The following VASH1 variants were observed in gnomAD, a reference collection of about 807,000 sequenced individuals.
VASH1 encodes vasohibin 1.
Under a neutral mutation model 35.0 loss-of-function variants are expected in VASH1, and 16 were observed. The observed-to-expected ratio is 0.46, with a 90% confidence interval of 0.31 to 0.70. The LOEUF is 0.70. Ranked by LOEUF, VASH1 falls within the 30% of genes least tolerant of loss-of-function variation. The pLI is 0.05. For synonymous variants in VASH1, 214 were observed against 200.9 expected (o/e 1.07, Z -0.55); for missense variants, 505 against 510.7 (o/e 0.99, Z 0.11).
At chr14:76,769,034 G>A (rs1164939220) in intron 1 of VASH1, among the ~76,000 whole-genome samples, 1 of 152,210 alleles carries the variant, frequency 6.6e-6, no homozygotes, top group Non-Finnish European at 1.5e-5. Context: ...TGACTTGTTG[G>A]CAGCCAAACT....
At chr14:76,763,239 G>C (rs919187262) in intron 1 of VASH1, 109 bp downstream of exon 1, 2 of 1,158,050 alleles carry the variant, frequency 1.7e-6, no homozygotes, top group Non-Finnish European at 2.2e-6. Flanking sequence ...CACTGGCTCG[G>C]TAAGATCTTT....
Position 76,779,177 on chromosome 14 carries a change from C to A in VASH1, c.*159C>A. 1 of 800,520 alleles carries A rather than the reference C, an allele frequency of 1.2e-6. No individual in the cohort carries two copies. Among genetic ancestry groups the A allele is most frequent in the Non-Finnish European group, 2.1e-6 (1 of 479,552 alleles). The allele number at this position is 800,520 out of a possible 1,614,324, so 49.6% of individuals were successfully genotyped here. On this transcript the variant is annotated 3_prime_UTR_variant, in exon 7 of 7. Coordinates refer to ENST00000167106, the MANE Select transcript of VASH1 (RefSeq NM_014909.5). ...CTCAGCCCCCCAAGCTGCTCTCGCT[C>A]CCACTGAGCCAAGCCCCCTAACTTT...
At position 76,778,025 on chromosome 14, in the gene VASH1, C is replaced by T. The variant is rs775467779; in HGVS notation, c.979C>T (p.Arg327Trp). Residue 327 changes from arginine (R) to tryptophan (W), a missense_variant, in exon 6 of 7, where the codon CGG becomes TGG. Coordinates refer to ENST00000167106, the MANE Select transcript of VASH1 (RefSeq NM_014909.5). ...DRKKDVSSPQ[R>W]AQSSPHRRNS... is the part of the protein sequence containing the mutation. ...GAAGAAGGATGTTTCTTCCCCGCAG[C>T]GGGCCCAGTCCAGCCCCCACCGCAG... is the stretch of plus-strand genomic sequence containing the variant. 23 of 1,541,068 alleles carry T rather than the reference C, an allele frequency of 1.5e-5. No homozygotes were observed. Among genetic ancestry groups the T allele is most frequent in the South Asian group, 1.2e-4 (10 of 81,486 alleles).
Position 76,779,413 on chromosome 14 carries a change from A to G in VASH1, c.*395A>G, listed in dbSNP as rs1348200061. The G allele has an allele frequency of 1.5e-6, 1 of 660,158 alleles. No homozygotes were observed. The highest frequency in any genetic ancestry group is 2.8e-6 in the Non-Finnish European group (1 of 359,986). The allele number at this position is 660,158 out of a possible 1,614,324, so 40.9% of individuals were successfully genotyped here. A position where few individuals can be genotyped will look rare whatever the true frequency, so the allele number is the denominator to read the frequency against. On this transcript the variant is annotated 3_prime_UTR_variant, in exon 7 of 7. Transcript: ENST00000167106. The stretch of plus-strand genomic sequence containing the variant: ...TCTCTCTGGGAGTTGGGTGCATCTT[A>G]TCAGTGGGAAATCTCCCAGCCTTAC...
Position 76,778,010 on chromosome 14 carries a change from G to A in VASH1, c.964G>A (p.Val322Ile), listed in dbSNP as rs1014934021. ...TCCCACCAAGGACCGGAAGAAGGATGTTTCTTCCCCGCAGCGGGCCCAGTC... is the reference window on the plus strand; with the variant it reads ...TCCCACCAAGGACCGGAAGAAGGATATTTCTTCCCCGCAGCGGGCCCAGTC... ...PSPTKDRKKD[V>I]SSPQRAQSSP... Residue 322 changes from valine (V) to isoleucine (I), a missense_variant, in exon 6 of 7, where the codon GTT becomes ATT. Coordinates refer to ENST00000167106, the MANE Select transcript of VASH1 (RefSeq NM_014909.5). 16 of 1,547,684 alleles carry A rather than the reference G, an allele frequency of 1.0e-5. No homozygotes were observed. Among genetic ancestry groups the A allele is most frequent in the South Asian group, 4.9e-5 (4 of 81,988 alleles).
intron 3 of VASH1, 122 bp from the exon 4 acceptor site, chr14:76,773,015 A>G: frequency 1.1e-6 from 1 of 877,846 alleles, no homozygotes. Flanking sequence ...CTGAGCTGAG[A>G]GCAGCTTAGG....
chr14:76,780,229 T>G lies in VASH1; in HGVS notation c.*1211T>G, dbSNP rs1894066360. The G allele has an allele frequency of 6.5e-6, 1 of 152,700 alleles. No homozygotes were observed. Among genetic ancestry groups the G allele is most frequent in the Non-Finnish European group, 1.5e-5 (1 of 68,734 alleles). 9.5% of individuals were successfully genotyped at this position (152,700 alleles called of 1,614,324 possible). ...GGCTCAAGCAACAAGGAGGTGCAGG[T>G]AAAGGGTGCAGTGCAGCCACTGAGG... On this transcript the variant is annotated 3_prime_UTR_variant, in exon 7 of 7. Coordinates refer to ENST00000167106, the MANE Select transcript of VASH1 (RefSeq NM_014909.5).
intron 1 of VASH1, among the ~76,000 whole-genome samples, chr14:76,767,568 C>A (rs1385405798): frequency 1.3e-5 from 2 of 152,174 alleles, no homozygotes; most frequent in Non-Finnish European, 2.9e-5. Flanking sequence ...ACCACTCCCC[C>A]TTACCGTGCC....
intron 2 of VASH1, 115 bp downstream of exon 2, chr14:76,770,166 A>ATT (rs1893753072): frequency 1.1e-6 from 1 of 951,462 alleles, no homozygotes. Context: ...CGCCAGGGCC[A>ATT]CCATTCACGT....
At position 76,778,971 on chromosome 14, in the gene VASH1, G is replaced by A. The variant is rs762887343; in HGVS notation, c.1051G>A (p.Glu351Lys). 15 of 1,614,048 alleles carry A rather than the reference G, an allele frequency of 9.3e-6. No individual in the cohort carries two copies. Among genetic ancestry groups the A allele is most frequent in the South Asian group, 6.6e-5 (6 of 91,084 alleles). ...GCCCTCGGGTGACAAGAAGACTTCC[G>A]AGCCCAAAGCCATGCCAGACCTTAA... ...RRPSGDKKTSEPKAMPDLNGY... is the reference protein window; with the variant it reads ...RRPSGDKKTSKPKAMPDLNGY... Residue 351 changes from glutamate to lysine, a missense_variant, in exon 7 of 7, where the codon GAG becomes AAG. Glu to Lys is a moderately conservative substitution (Grantham distance 56). Coordinates refer to ENST00000167106, the MANE Select transcript of VASH1 (RefSeq NM_014909.5).
At chr14:76,764,221 A>G (rs1167922581) in intron 1 of VASH1, among the ~76,000 whole-genome samples, 25 of 152,218 alleles carry the variant, frequency 1.6e-4, no homozygotes, top group Non-Finnish European at 3.7e-4. Flanking sequence ...TTATTGGTAC[A>G]GCCATCAGAA....
At chr14:76,777,900 AG>A in intron 5 of VASH1, 58 bp from the exon 6 acceptor site, 1 of 1,305,938 alleles carries the variant, frequency 7.7e-7, no homozygotes, top group Non-Finnish European at 1.0e-6. Context: ...TCCTGGAAGG[AG>A]AGGTTGGGCT....
chr14:76,778,089 C>A lies in VASH1; in HGVS notation c.1025+18C>A. 7.0e-7 allele frequency: 1 copy of A among 1,438,028 alleles called. No homozygotes were observed. Among genetic ancestry groups the A allele is most frequent in the Non-Finnish European group, 9.1e-7 (1 of 1,095,046 alleles). 89.1% of individuals were successfully genotyped at this position (1,438,028 alleles called of 1,614,324 possible). A position where few individuals can be genotyped will look rare whatever the true frequency, so the allele number is the denominator to read the frequency against. On this transcript the variant is annotated intron_variant, in intron 6 of 6. Transcript: ENST00000167106. ...GAAAGACGGTGAGAGAGGGACCACG[C>A]CTGGGTGGGTCCAAAGAGGGTTTTT...
intron 2 of VASH1, among the ~76,000 whole-genome samples, chr14:76,770,264 A>G (rs946362095): frequency 6.6e-6 from 1 of 151,810 alleles, no homozygotes; most frequent in Non-Finnish European, 1.5e-5. Context: ...TGCAGGGCCC[A>G]CTCTGCACTC....
chr14:76,763,919 C>T (rs1893573802), intron 1 of VASH1, among the ~76,000 whole-genome samples: 1 of 151,922 alleles, frequency 6.6e-6, no homozygotes, highest in Non-Finnish European at 1.5e-5. Flanking sequence ...TGGCACAGAA[C>T]AGGCACTAGT....
intron 4 of VASH1, among the ~76,000 whole-genome samples, chr14:76,775,455 A>G (rs139507186): frequency 6.6e-5 from 10 of 152,156 alleles, no homozygotes; most frequent in African/African-American, 2.2e-4. Context: ...TTGCATGTGG[A>G]TATGGGGAGA....
Position 76,779,139 on chromosome 14 carries a change from G to C in VASH1, c.*121G>C. The C allele has an allele frequency of 8.8e-7, 1 of 1,140,796 alleles. No homozygotes were observed. Among genetic ancestry groups the C allele is most frequent in the Non-Finnish European group, 1.3e-6 (1 of 768,186 alleles). The allele number at this position is 1,140,796 out of a possible 1,614,324, so 70.7% of individuals were successfully genotyped here. ...AAGGCAGGGCAAGAGGCTGCAGGAA[G>C]AGTGTGTTCCAGCTCAGCCCCCCAA... On this transcript the variant is annotated 3_prime_UTR_variant, in exon 7 of 7. Coordinates refer to ENST00000167106, the MANE Select transcript of VASH1 (RefSeq NM_014909.5).
In VASH1 at chr14:76,762,567, T is replaced by A; in HGVS notation, c.-255T>A. The A allele has an allele frequency of 2.8e-6, 1 of 360,922 alleles. No homozygotes were observed. The allele number at this position is 360,922 out of a possible 1,614,324, so 22.4% of individuals were successfully genotyped here. On this transcript the variant is annotated 5_prime_UTR_variant, in exon 1 of 7. The change creates a premature stop within an existing upstream ORF in the 5' untranslated region. Coordinates refer to ENST00000167106, the MANE Select transcript of VASH1 (RefSeq NM_014909.5). ...GTGACGGCTGCCAAGTTGGGGTGTGTTCTCTTTATTCCGTTTTTCAAACAG... is the reference window on the plus strand; with the variant it reads ...GTGACGGCTGCCAAGTTGGGGTGTGATCTCTTTATTCCGTTTTTCAAACAG...
chr14:76,776,500 C>G (rs1328866205), intron 5 of VASH1, among the ~76,000 whole-genome samples: 1 of 152,092 alleles, frequency 6.6e-6, no homozygotes, highest in African/African-American at 2.4e-5. Context: ...GTGTTGGGCA[C>G]ATGGCAAGGT....
Sources: allele counts gnomAD v4.1 joint callset (sites outside exome capture counted in the v4.1 genomes callset), GRCh38; gene constraint gnomAD v4.1.1; transcripts MANE v1.5; gene names NCBI Gene and HGNC (gene_info 2026-07-23, HGNC 2026-07-21).